TYW1B: variants seen among roughly 807,000 people sequenced by gnomAD.
TYW1B encodes the protein tRNA-yW synthesizing protein 1 homolog B.
A neutral mutation model predicts 86.9 loss-of-function variants in TYW1B; 73 were observed. That is an observed-to-expected ratio of 0.84 (90% CI 0.70 to 1.02). TYW1B has a LOEUF of 1.02. Among genes scored for constraint, TYW1B ranks in the 50% least tolerant of loss-of-function variants. The probability of loss-of-function intolerance (pLI) is 0.00; values close to 1 mark genes in which losing one functional copy is unlikely to be tolerated. For synonymous variants in TYW1B, 248 were observed against 292.8 expected (o/e 0.85, Z 1.56); for missense variants, 637 against 827.4 (o/e 0.77, Z 2.82).
rs1812330104 is a variant in TYW1B, at chr7:72,625,818, T to A, written c.1617+3069A>T. Among the ~76,000 whole-genome samples the A allele has an allele frequency of 2.0e-5, 3 of 147,948 alleles. No homozygotes were observed. The South Asian group carries it at 6.3e-4, about 31-fold the overall frequency. ...CTTTCTTTAAAAAATGTTGACTGAT[T>A]TTTTTCAGATTTAAAATACCTGTTC... On this transcript the variant is annotated intron_variant, in intron 12 of 13. Transcript: ENST00000620995.
intron 13 of TYW1B, among the ~76,000 whole-genome samples, chr7:72,595,391 A>G (rs1369126016): frequency 6.6e-6 from 1 of 152,232 alleles, no homozygotes; most frequent in Non-Finnish European, 1.5e-5. Context: ...AGGTTCATCA[A>G]CAATAGCCAC....
chr7:72,783,526 C>A (rs1468921770), intron 6 of TYW1B, among the ~76,000 whole-genome samples: 1 of 151,634 alleles, frequency 6.6e-6, no homozygotes, highest in Non-Finnish European at 1.5e-5. Flanking sequence ...TATTTAATAA[C>A]TTTTGCTGCA....
chr7:72,766,341 C>A (rs1332540237), intron 7 of TYW1B, among the ~76,000 whole-genome samples: 1 of 152,186 alleles, frequency 6.6e-6, no homozygotes, highest in Admixed American at 6.5e-5. Context: ...CTGGGCCAGG[C>A]GCGGTGGCTC....
intron 13 of TYW1B, among the ~76,000 whole-genome samples, chr7:72,589,324 G>A (rs577977003): frequency 6.6e-6 from 1 of 152,290 alleles, no homozygotes; most frequent in East Asian, 1.9e-4. Flanking sequence ...GGTGATGAAA[G>A]ACACTAGAAG....
intron 13 of TYW1B, among the ~76,000 whole-genome samples, chr7:72,591,444 G>C (rs189961842): frequency 1.3e-5 from 2 of 152,134 alleles, no homozygotes; most frequent in Non-Finnish European, 2.9e-5. Context: ...AGCAGCAAGA[G>C]AGCAGTGACT....
intron 12 of TYW1B, among the ~76,000 whole-genome samples, chr7:72,625,826 G>C (rs1386181239): frequency 7.4e-6 from 1 of 135,248 alleles, no homozygotes; most frequent in Non-Finnish European, 1.5e-5. Flanking sequence ...ATTTTTTTCA[G>C]ATTTAAAATA....
intron 11 of TYW1B, among the ~76,000 whole-genome samples, chr7:72,631,120 C>T (rs566679531): frequency 1.3e-5 from 2 of 151,788 alleles, no homozygotes; most frequent in Non-Finnish European, 2.9e-5. Flanking sequence ...AATCAAACGC[C>T]ATTTGGTAAA....
intron 11 of TYW1B, among the ~76,000 whole-genome samples, chr7:72,629,645 C>G (rs1325515450): frequency 6.6e-6 from 1 of 152,122 alleles, no homozygotes; most frequent in South Asian, 2.1e-4. Context: ...CTCCTGGACT[C>G]AAGTGATCCT....
chr7:72,716,995 T>C (rs1786800481), intron 9 of TYW1B, among the ~76,000 whole-genome samples: 1 of 151,826 alleles, frequency 6.6e-6, no homozygotes, highest in South Asian at 2.1e-4. Context: ...AGAACCACAG[T>C]TGCTTGTAAA....
At chr7:72,666,800 G>A (rs1408328233) in intron 11 of TYW1B, among the ~76,000 whole-genome samples, 1 of 151,976 alleles carries the variant, frequency 6.6e-6, no homozygotes, top group Non-Finnish European at 1.5e-5. Context: ...GGGAGACCGA[G>A]GCGGGTGGAT....
intron 7 of TYW1B, among the ~76,000 whole-genome samples, chr7:72,763,282 C>T (rs35566162): frequency 0.66 from 78,141 of 117,722 alleles, 27,458 homozygotes; most frequent in Non-Finnish European, 0.76. Flanking sequence ...CTTTTCTTTT[C>T]TTTTTTTTTT....
At chr7:72,641,278 A>G (rs1238458939) in intron 11 of TYW1B, among the ~76,000 whole-genome samples, 2 of 152,126 alleles carry the variant, frequency 1.3e-5, no homozygotes, top group Non-Finnish European at 2.9e-5. Flanking sequence ...CCCAACAAAT[A>G]AAAGCTTAAG....
At chr7:72,681,591 C>CTTTTTTTTT (rs71069098) in intron 11 of TYW1B, among the ~76,000 whole-genome samples, 2 of 111,026 alleles carry the variant, frequency 1.8e-5, no homozygotes, top group African/African-American at 6.9e-5. Flanking sequence ...ATATTTACTT[C>CTTTTTTTTT]TTTTTTTTTT....
chr7:72,672,287 C>T (rs556030357), intron 11 of TYW1B, among the ~76,000 whole-genome samples: 163 of 152,004 alleles, frequency 1.1e-3, no homozygotes, highest in African/African-American at 3.7e-3. Context: ...TGCTCAGTCT[C>T]GGGTGTGTCT....
chr7:72,618,454 T>G (rs1812134206), intron 12 of TYW1B, among the ~76,000 whole-genome samples: 1 of 152,036 alleles, frequency 6.6e-6, no homozygotes, highest in African/African-American at 2.4e-5. Flanking sequence ...TGACCTCAAA[T>G]GATCTGCCCA....
intron 13 of TYW1B, 89 bp downstream of exon 13, chr7:72,616,583 T>A (rs1554436884): frequency 1.2e-6 from 2 of 1,602,902 alleles, no homozygotes; most frequent in Non-Finnish European, 1.7e-6. Context: ...ATCATCCCTA[T>A]AACAACGTAA....
intron 11 of TYW1B, among the ~76,000 whole-genome samples, chr7:72,648,435 C>T (rs782010674): frequency 2.0e-5 from 3 of 151,164 alleles, no homozygotes; most frequent in East Asian, 1.9e-4. Context: ...CTCAGCTACT[C>T]GGAAGGCTGA....
chr7:72,752,395 T>C (rs1315223427), intron 7 of TYW1B, among the ~76,000 whole-genome samples: 1 of 152,084 alleles, frequency 6.6e-6, no homozygotes, highest in East Asian at 1.9e-4. Flanking sequence ...AAGGAAATAT[T>C]ATCTTAACTA....
At chr7:72,672,473 A>ACACACACAC (rs1813630351) in intron 11 of TYW1B, among the ~76,000 whole-genome samples, 2 of 140,780 alleles carry the variant, frequency 1.4e-5, no homozygotes, top group East Asian at 2.2e-4. Context: ...TACACACACA[A>ACACACACAC]ACACACACAC....
Sources: allele counts gnomAD v4.1 joint callset (sites outside exome capture counted in the v4.1 genomes callset), GRCh38; gene constraint gnomAD v4.1.1; transcripts MANE v1.5; gene names NCBI Gene and HGNC (gene_info 2026-07-23, HGNC 2026-07-21).